ENTREP2: variants seen among roughly 807,000 people sequenced by gnomAD.
The protein encoded by ENTREP2 is protein ENTREP2.
At chr15:29,184,442 C>T in the ENTREP2 span, among the ~76,000 whole-genome samples, 5 of 152,176 alleles carry the variant, frequency 3.3e-5, no homozygotes, top group Admixed American at 1.3e-4. Context: ...ACCTAGTCTC[C>T]GTCTCCTACT....
At chr15:29,168,936 G>T in the ENTREP2 span, among the ~76,000 whole-genome samples, 1 of 152,172 alleles carries the variant, frequency 6.6e-6, no homozygotes, top group East Asian at 1.9e-4. Context: ...ACTCTTTAGT[G>T]GATGGCTGTA....
the ENTREP2 span, among the ~76,000 whole-genome samples, chr15:29,316,978 AG>A: frequency 1.3e-5 from 2 of 152,240 alleles, no homozygotes; most frequent in Admixed American, 1.3e-4. Context: ...AACTAAACAA[AG>A]GCCAGTTATT....
the ENTREP2 span, among the ~76,000 whole-genome samples, chr15:29,356,268 G>GTATATATATATA: frequency 8.7e-5 from 5 of 57,594 alleles, no homozygotes; most frequent in African/African-American, 3.4e-4. Flanking sequence ...GTGTGTGTGT[G>GTATATATATATA]TATATATATA....
chr15:29,286,590 C>A, the ENTREP2 span, among the ~76,000 whole-genome samples: 1 of 152,130 alleles, frequency 6.6e-6, no homozygotes, highest in African/African-American at 2.4e-5. Flanking sequence ...CTGTCTGAGT[C>A]CTGGAGCCCC....
the ENTREP2 span, among the ~76,000 whole-genome samples, chr15:29,418,413 A>C: frequency 1.3e-5 from 2 of 152,184 alleles, no homozygotes; most frequent in South Asian, 2.1e-4. Context: ...TGCAGAGTAC[A>C]GAAGCCATCT....
chr15:29,139,878 C>T, the ENTREP2 span, among the ~76,000 whole-genome samples: 259 of 152,288 alleles, frequency 1.7e-3, 1 homozygote, highest in African/African-American at 5.8e-3. Flanking sequence ...GTGTGTCTCG[C>T]GGCCCAGGGT....
chr15:29,146,149 A>G, the ENTREP2 span, among the ~76,000 whole-genome samples: 1 of 152,246 alleles, frequency 6.6e-6, no homozygotes. Context: ...ACTGAAAGAA[A>G]TTAAAGAACA....
chr15:29,463,284 C>T, the ENTREP2 span, among the ~76,000 whole-genome samples: 3 of 152,114 alleles, frequency 2.0e-5, no homozygotes, highest in African/African-American at 7.2e-5. Context: ...GCACTGTGAC[C>T]ACACACCTCA....
the ENTREP2 span, among the ~76,000 whole-genome samples, chr15:29,187,797 C>T: frequency 6.6e-6 from 1 of 152,176 alleles, no homozygotes; most frequent in Admixed American, 6.5e-5. Context: ...GGAGAAATGC[C>T]GGGCAGTGAG....
the ENTREP2 span, among the ~76,000 whole-genome samples, chr15:29,313,027 A>T: frequency 1.3e-5 from 2 of 152,334 alleles, no homozygotes; most frequent in Non-Finnish European, 2.9e-5. Context: ...TGATTTGGAG[A>T]AACTATGAGT....
chr15:29,652,020 G>A, the ENTREP2 span, among the ~76,000 whole-genome samples: 1 of 152,134 alleles, frequency 6.6e-6, no homozygotes, highest in Non-Finnish European at 1.5e-5. Flanking sequence ...TTTTTCCTGG[G>A]CCCGCCCATG....
chr15:29,499,445 G>A, the ENTREP2 span, among the ~76,000 whole-genome samples: 5 of 151,846 alleles, frequency 3.3e-5, no homozygotes, highest in Non-Finnish European at 4.4e-5. Flanking sequence ...GTGCAGTGGC[G>A]TGATCATAAC....
the ENTREP2 span, among the ~76,000 whole-genome samples, chr15:29,227,069 G>A: frequency 3.6e-3 from 541 of 152,296 alleles, 1 homozygote; most frequent in African/African-American, 0.012. Flanking sequence ...CCACAGCCCC[G>A]TGCTGGACAC....
At chr15:29,261,921 T>TA in the ENTREP2 span, among the ~76,000 whole-genome samples, 49,141 of 129,524 alleles carry the variant, frequency 0.38, 8,011 homozygotes, top group Middle Eastern at 0.46. Flanking sequence ...ACTCCAGAAA[T>TA]AAAAAAAAAA....
the ENTREP2 span, among the ~76,000 whole-genome samples, chr15:29,181,722 C>A: frequency 6.6e-6 from 1 of 152,156 alleles, no homozygotes; most frequent in African/African-American, 2.4e-5. Context: ...TATACACATA[C>A]AAATACACAC....
the ENTREP2 span, among the ~76,000 whole-genome samples, chr15:29,311,694 C>T: frequency 1.3e-5 from 2 of 151,106 alleles, no homozygotes; most frequent in South Asian, 2.1e-4. Context: ...CATCCCCCCC[C>T]CAAAAAAAAG....
At chr15:29,332,493 G>A in the ENTREP2 span, among the ~76,000 whole-genome samples, 1 of 152,110 alleles carries the variant, frequency 6.6e-6, no homozygotes, top group Admixed American at 6.5e-5. Flanking sequence ...TTCCTGAAGG[G>A]AAGAAAATAG....
the ENTREP2 span, among the ~76,000 whole-genome samples, chr15:29,584,993 C>CCATG: frequency 1.6e-4 from 12 of 74,950 alleles, no homozygotes; most frequent in African/African-American, 5.9e-4. Context: ...ACTCAAAGAT[C>CCATG]GATGGATAGA....
chr15:29,313,792 GC>G, the ENTREP2 span, among the ~76,000 whole-genome samples: 3 of 152,196 alleles, frequency 2.0e-5, no homozygotes, highest in Admixed American at 1.3e-4. Context: ...AGCTAGAGAT[GC>G]CATACATAGT....
Sources: allele counts gnomAD v4.1 joint callset (sites outside exome capture counted in the v4.1 genomes callset), GRCh38; gene constraint gnomAD v4.1.1; transcripts MANE v1.5; gene names NCBI Gene and HGNC (gene_info 2026-07-23, HGNC 2026-07-21).